LCOR: variants seen among roughly 807,000 people sequenced by gnomAD.
The protein encoded by LCOR is ligand-dependent corepressor.
In LCOR, 14 loss-of-function variants were observed where a neutral mutation model predicts 64.4. The ratio of observed to expected loss-of-function variants is 0.22; its 90% CI spans 0.14 to 0.34. The LOEUF (loss-of-function observed/expected upper bound fraction) is 0.34, where lower values mean the gene tolerates loss of function less well. Among genes scored for constraint, LCOR ranks in the 10% least tolerant of loss-of-function variants. LCOR has a pLI of 1.00. For synonymous variants in LCOR, 643 were observed against 642.5 expected (o/e 1.00, Z -0.01); for missense variants, 1,686 against 1,765.3 (o/e 0.96, Z 0.80).
At chr10:96,887,202 T>C (rs1846357963) in intron 2 of LCOR, among the ~76,000 whole-genome samples, 1 of 152,194 alleles carries the variant, frequency 6.6e-6, no homozygotes, top group South Asian at 2.1e-4. Context: ...GTAGATATTA[T>C]AGTCTTTCAC....
intron 2 of LCOR, among the ~76,000 whole-genome samples, chr10:96,858,557 C>T (rs1314719538): frequency 6.6e-6 from 1 of 152,206 alleles, no homozygotes; most frequent in Non-Finnish European, 1.5e-5. Context: ...TCATGAGTTT[C>T]CTCACAGTGG....
chr10:96,837,014 C>A (rs914813348), intron 2 of LCOR, among the ~76,000 whole-genome samples: 4 of 145,218 alleles, frequency 2.8e-5, no homozygotes, highest in African/African-American at 5.2e-5. Flanking sequence ...TTTTTTGAGA[C>A]GGAGTCTCGC....
chr10:96,886,500 A>G (rs771554631), intron 2 of LCOR, among the ~76,000 whole-genome samples: 2 of 152,238 alleles, frequency 1.3e-5, no homozygotes, highest in Non-Finnish European at 2.9e-5. Flanking sequence ...TTATAATATT[A>G]TTCCCAAAAA....
chr10:96,846,946 A>G (rs923918784), intron 2 of LCOR, among the ~76,000 whole-genome samples: 4 of 152,290 alleles, frequency 2.6e-5, no homozygotes, highest in Middle Eastern at 3.4e-3. Flanking sequence ...AAGTGGATAA[A>G]TGGAGTAAAG....
rs116819742 is a variant in LCOR, at chr10:96,851,358, G to A, written c.-330+17879G>A. 3.2e-3 allele frequency among the ~76,000 whole-genome samples: 483 copies of A among 152,296 alleles called. 6 individuals carry two copies. Among genetic ancestry groups the A allele is most frequent in the African/African-American group, 9.9e-3 (412 of 41,574 alleles). ...GAGTAAATAAAATAAGATTAAACAC[G>A]TTCTTCAGCAGCACACTAGCAGCAG... is the stretch of plus-strand genomic sequence containing the variant. On this transcript the variant is annotated intron_variant, in intron 2 of 7. Coordinates refer to ENST00000421806, the MANE Select transcript of LCOR (RefSeq NM_001346516.2).
At position 96,991,065 on chromosome 10, in the gene LCOR, A is replaced by G. The variant is rs1379502891; in HGVS notation, c.*5931A>G. ...AAAAAAGCAACTATATGTGGCCCGC[A>G]TAGCCTGAAATATTTACTTCCTGAC... On this transcript the variant is annotated 3_prime_UTR_variant, in exon 8 of 8. Transcript: ENST00000421806. 3 of 149,970 alleles carry G rather than the reference A, an allele frequency of 2.0e-5. No homozygotes were observed. The highest frequency in any genetic ancestry group is 7.4e-5 in the African/African-American group (3 of 40,648). The allele number at this position is 149,970 out of a possible 1,614,324, so 9.3% of individuals were successfully genotyped here.
At chr10:96,961,393 G>A (rs1847878293) in intron 7 of LCOR, 1 of 151,862 alleles carries the variant, frequency 6.6e-6, no homozygotes, top group South Asian at 2.1e-4. Context: ...ATTTGAATGT[G>A]GAAATGAACT....
At chr10:96,922,425 A>G (rs551804032) in intron 4 of LCOR, among the ~76,000 whole-genome samples, 5 of 152,216 alleles carry the variant, frequency 3.3e-5, no homozygotes, top group Non-Finnish European at 7.3e-5. Flanking sequence ...TCAGAATAGT[A>G]GAAAGTCCTA....
In LCOR at chr10:96,939,077, T is replaced by TTG. The variant is rs1219516614; in HGVS notation, c.-183-5035_-183-5034dup. ...AACAGTCTTGTAAAAGAAGAACAAA[T>TTG]TGGGAGGATTTACACTTTACCAATT... On this transcript the variant is annotated intron_variant, in intron 4 of 7. Coordinates refer to ENST00000421806, the MANE Select transcript of LCOR (RefSeq NM_001346516.2). Among the ~76,000 whole-genome samples, 3 of 152,142 alleles carry TTG rather than the reference T, an allele frequency of 2.0e-5. No individual in the cohort carries two copies. In the East Asian group the frequency reaches 5.8e-4, roughly 29 times the overall value.
intron 4 of LCOR, among the ~76,000 whole-genome samples, chr10:96,942,314 G>T (rs1249701806): frequency 6.7e-6 from 1 of 148,228 alleles, no homozygotes; most frequent in Non-Finnish European, 1.5e-5. Context: ...GTGGCGGCGC[G>T]CGCCTGCAAT....
chr10:96,969,203 T>C (rs557585291), intron 7 of LCOR, among the ~76,000 whole-genome samples: 1 of 152,306 alleles, frequency 6.6e-6, no homozygotes, highest in South Asian at 2.1e-4. Context: ...ATTGACATTA[T>C]GCAAGAAACT....
chr10:96,833,685 AG>A (rs1305651345), intron 2 of LCOR, among the ~76,000 whole-genome samples: 2 of 152,172 alleles, frequency 1.3e-5, no homozygotes, highest in African/African-American at 2.4e-5. Flanking sequence ...CTTCTCCCCC[AG>A]GGGAATATTC....
At chr10:96,889,432 G>A (rs1040820752) in intron 2 of LCOR, among the ~76,000 whole-genome samples, 3 of 152,164 alleles carry the variant, frequency 2.0e-5, no homozygotes, top group Admixed American at 6.5e-5. Context: ...CGGCAGTGTT[G>A]GTTTCTGCTG....
intron 2 of LCOR, among the ~76,000 whole-genome samples, chr10:96,834,896 T>G (rs113497890): frequency 0.017 from 2,546 of 152,248 alleles, 79 homozygotes; most frequent in African/African-American, 0.058. Context: ...TGTTTTTGTT[T>G]TTGTTGTTGT....
intron 7 of LCOR, chr10:96,956,696 C>G: frequency 1.0e-6 from 1 of 985,770 alleles, no homozygotes; most frequent in African/African-American, 1.7e-5. Context: ...TTGGTCTCAC[C>G]AACAAGTGAG....
In LCOR at chr10:96,853,043, T is replaced by C. The variant is rs187232649; in HGVS notation, c.-330+19564T>C. On this transcript the variant is annotated intron_variant, in intron 2 of 7. Coordinates refer to ENST00000421806, the MANE Select transcript of LCOR (RefSeq NM_001346516.2). ...AGGAATACACTTTATTTTGTTATTG[T>C]TGTCACCTTTTGTGTTTTTTTGAGG... Among the ~76,000 whole-genome samples the C allele has an allele frequency of 1.1e-4, 16 of 152,296 alleles. No homozygotes were observed. The East Asian group carries it at 3.1e-3, about 29-fold the overall frequency.
chr10:96,895,948 G>T (rs1846529950), intron 2 of LCOR, among the ~76,000 whole-genome samples: 1 of 152,120 alleles, frequency 6.6e-6, no homozygotes. Flanking sequence ...TAGCTGTTGT[G>T]ATGCATGCCT....
intron 4 of LCOR, among the ~76,000 whole-genome samples, chr10:96,941,391 G>A (rs1847471432): frequency 1.4e-5 from 2 of 146,952 alleles, no homozygotes; most frequent in African/African-American, 5.1e-5. Flanking sequence ...CTCCCGGACT[G>A]GGCGGCTGGC....
intron 4 of LCOR, among the ~76,000 whole-genome samples, chr10:96,933,676 C>T (rs1362043297): frequency 6.6e-6 from 1 of 152,176 alleles, no homozygotes; most frequent in Non-Finnish European, 1.5e-5. Flanking sequence ...CATGCCACCA[C>T]GCCTGCCTAA....
Sources: allele counts gnomAD v4.1 joint callset (sites outside exome capture counted in the v4.1 genomes callset), GRCh38; gene constraint gnomAD v4.1.1; transcripts MANE v1.5; gene names NCBI Gene and HGNC (gene_info 2026-07-23, HGNC 2026-07-21).